Variants in ANXA8 observed in about 807,000 individuals in gnomAD.
ANXA8 encodes the protein VAC-beta.
A neutral mutation model predicts 26.8 loss-of-function variants in ANXA8; 9 were observed. That is an observed-to-expected ratio of 0.34 (90% CI 0.20 to 0.59). The LOEUF is 0.59. Ranked by LOEUF, ANXA8 falls within the 20% of genes least tolerant of loss-of-function variation. ANXA8 has a pLI of 0.84. For missense variants in ANXA8, 83 were observed against 238.5 expected, an observed-to-expected ratio of 0.35 and a Z score of 4.29; for synonymous variants, 39 against 94.8, an observed-to-expected ratio of 0.41 and a Z score of 3.42.
chr10:47,733,159 T>TTCTTTCTTTCTTTCTTTCTCTCTCTCTC, the ANXA8 span, among the ~76,000 whole-genome samples: 1 of 96,606 alleles, frequency 1.0e-5, no homozygotes. Context: ...CTTTCTTTCT[T>TTCTTTCTTTCTTTCTTTCTCTCTCTCTC]TCTTTCTTTC....
At chr10:47,667,600 A>C in the ANXA8 span, among the ~76,000 whole-genome samples, 5 of 151,854 alleles carry the variant, frequency 3.3e-5, no homozygotes, top group African/African-American at 4.9e-5. Context: ...CCCAGGCTGG[A>C]GTGCAGTGGC....
the ANXA8 span, among the ~76,000 whole-genome samples, chr10:47,954,820 A>G: frequency 2.6e-5 from 4 of 151,360 alleles, no homozygotes; most frequent in Non-Finnish European, 4.4e-5. Flanking sequence ...CAAACTGGGG[A>G]AAAACCCCAG....
chr10:47,959,260 T>C, the ANXA8 span, among the ~76,000 whole-genome samples: 91 of 147,368 alleles, frequency 6.2e-4, no homozygotes, highest in Non-Finnish European at 1.0e-3. Context: ...GCTGGTTGCA[T>C]GACCTGTAGG....
At chr10:47,516,112 G>C in the ANXA8 span, among the ~76,000 whole-genome samples, 570 of 90,162 alleles carry the variant, frequency 6.3e-3, 2 homozygotes, top group South Asian at 0.017. Context: ...GAAAAAAATA[G>C]AAGGGGAAAA....
chr10:47,578,640 TC>T, the ANXA8 span, among the ~76,000 whole-genome samples: 1 of 106,518 alleles, frequency 9.4e-6, no homozygotes, highest in Non-Finnish European at 1.9e-5. Context: ...GACTTAGAAC[TC>T]AGCATGTTAA....
chr10:47,470,212 T>G (rs1839287225), intron 11 of ANXA8, among the ~76,000 whole-genome samples: 1 of 151,898 alleles, frequency 6.6e-6, no homozygotes, highest in South Asian at 2.1e-4. Flanking sequence ...CATTTTTGCT[T>G]TAATGACATC....
At chr10:47,694,939 G>T in the ANXA8 span, among the ~76,000 whole-genome samples, 1 of 151,656 alleles carries the variant, frequency 6.6e-6, no homozygotes, top group African/African-American at 2.4e-5. Flanking sequence ...AGGAGCTGGG[G>T]CATGTCAGTG....
chr10:47,749,120 G>A, the ANXA8 span, among the ~76,000 whole-genome samples: 17 of 82,446 alleles, frequency 2.1e-4, no homozygotes, highest in Admixed American at 4.6e-4. Context: ...CTGTAGTCCC[G>A]CTACTCGGGA....
chr10:47,980,626 G>A, the ANXA8 span, among the ~76,000 whole-genome samples: 6 of 149,804 alleles, frequency 4.0e-5, no homozygotes, highest in Non-Finnish European at 6.0e-5. Flanking sequence ...AATGTTTAGA[G>A]AATGAAATAG....
the ANXA8 span, among the ~76,000 whole-genome samples, chr10:47,533,221 A>ACACCCC: frequency 1.5e-4 from 22 of 141,976 alleles, 1 homozygote; most frequent in Non-Finnish European, 2.3e-4. Flanking sequence ...ACACACACAC[A>ACACCCC]CACCCCCGCA....
the ANXA8 span, among the ~76,000 whole-genome samples, chr10:47,665,102 G>T: frequency 2.0e-5 from 3 of 148,076 alleles, no homozygotes; most frequent in Non-Finnish European, 4.4e-5. Flanking sequence ...TGTTTTTTTG[G>T]CCATAGTATT....
chr10:47,633,002 AGGAGGGT>A, the ANXA8 span, among the ~76,000 whole-genome samples: 1 of 138,714 alleles, frequency 7.2e-6, no homozygotes, highest in Non-Finnish European at 1.5e-5. Flanking sequence ...CAAAGGAAAC[AGGAGGGT>A]GGAGGGTGGA....
chr10:47,495,658 A>AGG, the ANXA8 span, among the ~76,000 whole-genome samples: 1 of 135,588 alleles, frequency 7.4e-6, no homozygotes, highest in East Asian at 2.8e-4. Flanking sequence ...ACTGAGGAGG[A>AGG]AGAGGAGGAG....
the ANXA8 span, among the ~76,000 whole-genome samples, chr10:47,685,246 T>A: frequency 1.3e-5 from 2 of 149,558 alleles, no homozygotes; most frequent in African/African-American, 2.5e-5. Flanking sequence ...CTTGGGAGGC[T>A]GAGGTAGGAG....
At chr10:47,645,936 T>G in the ANXA8 span, among the ~76,000 whole-genome samples, 1 of 149,076 alleles carries the variant, frequency 6.7e-6, no homozygotes, top group Non-Finnish European at 1.5e-5. Flanking sequence ...ACTATATCAC[T>G]AACTTTCCTG....
the ANXA8 span, among the ~76,000 whole-genome samples, chr10:47,743,315 C>T: frequency 5.5e-4 from 33 of 59,984 alleles, no homozygotes; most frequent in Admixed American, 8.6e-4. Context: ...TATATATACA[C>T]ATATATATAT....
chr10:47,617,030 T>C, the ANXA8 span, among the ~76,000 whole-genome samples: 2 of 72,856 alleles, frequency 2.7e-5, 1 homozygote, highest in Non-Finnish European at 7.0e-5. Context: ...AAGGAAATTC[T>C]GTATCCATGT....
chr10:47,653,554 T>C, the ANXA8 span, among the ~76,000 whole-genome samples: 4 of 151,326 alleles, frequency 2.6e-5, no homozygotes, highest in Admixed American at 6.6e-5. Context: ...TTTGGATAAA[T>C]TGAGTTTGTC....
At chr10:47,548,570 G>A in the ANXA8 span, among the ~76,000 whole-genome samples, 1 of 151,502 alleles carries the variant, frequency 6.6e-6, no homozygotes, top group East Asian at 1.9e-4. Flanking sequence ...CAAAGTGCTG[G>A]GATTACAGGC....
Sources: gnomAD v4.1 joint callset for allele counts (sites outside exome capture counted in the v4.1 genomes callset) on GRCh38, gnomAD v4.1.1 for gene constraint, MANE v1.5 for transcripts, NCBI Gene and HGNC (gene_info 2026-07-23, HGNC 2026-07-21) for gene names.